NOD1: variants seen among roughly 807,000 people sequenced by gnomAD.
NOD1 encodes nucleotide-binding oligomerization domain-containing protein 1.
A neutral mutation model predicts 81.2 loss-of-function variants in NOD1; 70 were observed. The observed-to-expected ratio is 0.86, with a 90% CI of 0.71 to 1.05. The LOEUF (loss-of-function observed/expected upper bound fraction) is 1.05, where lower values mean the gene tolerates loss of function less well. Ranked by LOEUF, NOD1 falls within the 50% of genes least tolerant of loss-of-function variation. The pLI, the probability that NOD1 is intolerant of heterozygous loss-of-function variation, is 0.00. For synonymous variants in NOD1, 508 were observed against 526.9 expected, an observed-to-expected ratio of 0.96 and a Z score of 0.49; for missense variants, 1,233 against 1,228.0, an observed-to-expected ratio of 1.00 and a Z score of -0.06.
At chr7:30,450,986 T>A (rs1337451542) in intron 6 of NOD1, among the ~76,000 whole-genome samples, 20 of 152,200 alleles carry the variant, frequency 1.3e-4, no homozygotes. Flanking sequence ...GCGTGGAGGC[T>A]CTGAGAGTTA....
intron 5 of NOD1, among the ~76,000 whole-genome samples, chr7:30,453,990 C>T (rs891469724): frequency 2.0e-5 from 3 of 152,150 alleles, no homozygotes; most frequent in African/African-American, 2.4e-5. Flanking sequence ...AGAAGTCTTT[C>T]GAAAGAATGA....
In NOD1 at chr7:30,425,590, G is replaced by A; in HGVS notation, c.*48C>T. The A allele has an allele frequency of 7.2e-7, 1 of 1,395,460 alleles. No homozygotes were observed. The highest frequency in any genetic ancestry group is 1.0e-6 in the Non-Finnish European group (1 of 980,118). The allele number at this position is 1,395,460 out of a possible 1,614,324, so 86.4% of individuals were successfully genotyped here. A position where few individuals can be genotyped will look rare whatever the true frequency, so the allele number is the denominator to read the frequency against. On this transcript the variant is annotated 3_prime_UTR_variant, in exon 14 of 14. Coordinates refer to ENST00000222823, the MANE Select transcript of NOD1 (RefSeq NM_006092.4). ...CAAAAGACTGCCCAGAGTGGCATTT[G>A]CTGCTGAGGCTCCAGGGCAAAAACC...
At chr7:30,455,406 T>G in intron 4 of NOD1, 95 bp from the exon 5 acceptor site, 2 of 937,520 alleles carry the variant, frequency 2.1e-6, no homozygotes, top group Non-Finnish European at 3.2e-6. Context: ...GGCTCTGAGT[T>G]CTTAGTACAG....
chr7:30,439,243 G>C (rs763669737), intron 9 of NOD1, among the ~76,000 whole-genome samples: 1 of 143,040 alleles, frequency 7.0e-6, no homozygotes, highest in African/African-American at 3.0e-5. Flanking sequence ...AAAAGAATTG[G>C]AGGGAGGAGC....
intron 4 of NOD1, 68 bp downstream of exon 4, chr7:30,456,653 G>T: frequency 7.2e-7 from 1 of 1,387,484 alleles, no homozygotes; most frequent in Non-Finnish European, 1.0e-6. Context: ...ACTCAGATCA[G>T]CAGGGAGAGG....
Position 30,445,628 on chromosome 7 carries a change from G to A in NOD1, c.2453+513C>T, listed in dbSNP as rs914913028. On this transcript the variant is annotated intron_variant, in intron 9 of 13. Transcript: ENST00000222823. ...ACAAAAATTAGCTGGGATTGGTGGC[G>A]GGTGCCTATAATCCCAGCTACTCGT... Among the ~76,000 whole-genome samples the A allele has an allele frequency of 5.9e-5, 9 of 151,600 alleles. No individual in the cohort carries two copies. In the East Asian group the frequency reaches 7.7e-4, roughly 13 times the overall value.
intron 8 of NOD1, 61 bp from the exon 9 acceptor site, chr7:30,446,285 C>CCT (rs1785076023): frequency 8.1e-7 from 1 of 1,232,362 alleles, no homozygotes; most frequent in East Asian, 2.3e-5. Context: ...TGTGGGTCAC[C>CCT]CTCCTCCCCA....
chr7:30,472,998 A>T (rs989152512), intron 1 of NOD1, among the ~76,000 whole-genome samples: 1 of 152,246 alleles, frequency 6.6e-6, no homozygotes, highest in Non-Finnish European at 1.5e-5. Context: ...TTGAATTAAC[A>T]TGTTGCAGAA....
At position 30,434,219 on chromosome 7, in the gene NOD1, G is replaced by A. The variant is rs942572413; in HGVS notation, c.2622-1040C>T. On this transcript the variant is annotated intron_variant, in intron 11 of 13. Transcript: ENST00000222823. ...CTGGTGAACGTTAACAGTAGAGATC[G>A]TATAGAGTGGTTGTGAGGCTGAGTG... Among the ~76,000 whole-genome samples, 67 of 152,202 alleles carry A rather than the reference G, an allele frequency of 4.4e-4. 1 individual carries two copies. The highest frequency in any genetic ancestry group is 1.4e-3 in the African/African-American group (60 of 41,450).
chr7:30,450,520 C>A (rs1050445452), intron 6 of NOD1, among the ~76,000 whole-genome samples: 2 of 152,200 alleles, frequency 1.3e-5, no homozygotes, highest in African/African-American at 4.8e-5. Context: ...ACAGACTGGG[C>A]TCTGTTTCCC....
At chr7:30,477,355 G>A (rs1024016072) in intron 1 of NOD1, among the ~76,000 whole-genome samples, 2 of 152,154 alleles carry the variant, frequency 1.3e-5, no homozygotes, top group Non-Finnish European at 2.9e-5. Flanking sequence ...TCTAAGCCTG[G>A]GTGAGAACAG....
At chr7:30,453,492 A>G (rs1786018452) in intron 5 of NOD1, among the ~76,000 whole-genome samples, 1 of 152,066 alleles carries the variant, frequency 6.6e-6, no homozygotes, top group Admixed American at 6.5e-5. Context: ...CAGTGACCCA[A>G]TCATGCAGTC....
intron 1 of NOD1, among the ~76,000 whole-genome samples, chr7:30,476,503 G>A (rs1009964162): frequency 2.0e-5 from 3 of 152,210 alleles, no homozygotes; most frequent in Non-Finnish European, 4.4e-5. Context: ...CCTAGGCCAA[G>A]AGTCAGGAGC....
chr7:30,477,966 CCT>C (rs1346794075), intron 1 of NOD1, among the ~76,000 whole-genome samples: 1 of 152,206 alleles, frequency 6.6e-6, no homozygotes, highest in Non-Finnish European at 1.5e-5. Context: ...TCTGTCATTT[CCT>C]ATGTTTTTCA....
chr7:30,435,490 C>T (rs1319092996), intron 11 of NOD1, among the ~76,000 whole-genome samples: 2 of 152,100 alleles, frequency 1.3e-5, no homozygotes, highest in African/African-American at 4.8e-5. Context: ...CTCCCGGAGC[C>T]CACTTCCTCC....
chr7:30,452,378 C>A lies in NOD1; in HGVS notation c.1039G>T (p.Val347Leu). The change falls in exon 6 of 14, where the codon GTG becomes TTG. Residue 347 changes from valine to leucine, a missense_variant. By Grantham distance (32) the Val-to-Leu change is conservative (BLOSUM62 1). Coordinates refer to ENST00000222823, the MANE Select transcript of NOD1 (RefSeq NM_006092.4). ...EVPRQFLRKK[V>L]LLRGFSPSHL... ...CTGGGGGAGAAGCCCCGGAGAAGCA[C>A]CTTCTTCCGCAGGAACTGGCGCGGG... The A allele has an allele frequency of 1.2e-6, 2 of 1,613,346 alleles. No individual in the cohort carries two copies. The highest frequency in any genetic ancestry group is 1.7e-6 in the Non-Finnish European group (2 of 1,180,022).
chr7:30,437,461 T>A, intron 10 of NOD1, 112 bp downstream of exon 10: 1 of 593,752 alleles, frequency 1.7e-6, no homozygotes, highest in Non-Finnish European at 2.7e-6. Flanking sequence ...GTAAGGAAAA[T>A]CACACATGCA....
rs554191049 is a variant in NOD1 at position 30,451,447 on chromosome 7, C to T, written c.1970G>A (p.Arg657His). Residue 657 changes from arginine to histidine, a missense_variant, in exon 6 of 14, where the codon CGC becomes CAC. Arg to His is a conservative substitution (Grantham distance 29). Transcript: ENST00000222823. This position sits in a 1 kb window ranked among gnomAD's most constrained non-coding sequence, Gnocchi z 4.2. ...CTGGCTCTGTGTCTCGTAGATGCAG[C>T]GCAGCATCCAGATGAACGTGGGCAT... is the stretch of plus-strand genomic sequence containing the variant. ...QAMPTFIWML[R>H]CIYETQSQKV... The T allele has an allele frequency of 3.2e-5, 51 of 1,613,610 alleles. No homozygotes were observed. In the South Asian group the frequency reaches 4.2e-4, roughly 13 times the overall value.
intron 1 of NOD1, chr7:30,460,337 C>A: frequency 1.0e-6 from 1 of 985,446 alleles, no homozygotes; most frequent in Non-Finnish European, 1.2e-6. Context: ...GGGGGCAATC[C>A]TTTCCTTTCT....
Sources: gnomAD v4.1 joint callset for allele counts (sites outside exome capture counted in the v4.1 genomes callset) on GRCh38, gnomAD v4.1.1 for gene constraint, Gnocchi (gnomAD v3.1) non-coding constraint, MANE v1.5 for transcripts, NCBI Gene and HGNC (gene_info 2026-07-23, HGNC 2026-07-21) for gene names.